Variants in CAMK1G observed in about 807,000 individuals in gnomAD.
CAMK1G encodes the protein calcium/calmodulin-dependent protein kinase type 1G.
CAMK1G carries 27 observed loss-of-function variants against 54.8 expected under a neutral mutation model. The ratio of observed to expected loss-of-function variants is 0.49; its 90% CI spans 0.36 to 0.68. The LOEUF (loss-of-function observed/expected upper bound fraction) is 0.68. CAMK1G is among the 30% of genes least tolerant of loss of function. CAMK1G has a pLI of 0.00. For missense variants in CAMK1G, 512 were observed against 591.0 expected, an observed-to-expected ratio of 0.87 and a Z score of 1.39; for synonymous variants, 238 against 224.9, an observed-to-expected ratio of 1.06 and a Z score of -0.52.
chr1:209,596,240 C>A (rs1436632773), intron 2 of CAMK1G, among the ~76,000 whole-genome samples: 1 of 152,318 alleles, frequency 6.6e-6, no homozygotes, highest in East Asian at 1.9e-4. Flanking sequence ...AGAGCATTGG[C>A]CTTCCATCAA....
At chr1:209,593,894 G>T (rs1174404254) in intron 1 of CAMK1G, among the ~76,000 whole-genome samples, 1 of 151,982 alleles carries the variant, frequency 6.6e-6, no homozygotes, top group East Asian at 1.9e-4. Context: ...AGTCTACAAA[G>T]CCCTTTATTG....
At chr1:209,590,606 G>A (rs1665221204) in intron 1 of CAMK1G, among the ~76,000 whole-genome samples, 1 of 152,200 alleles carries the variant, frequency 6.6e-6, no homozygotes. Flanking sequence ...TGGAGAACAG[G>A]CCGTCATTCC....
chr1:209,584,132 C>T (rs752270540), intron 1 of CAMK1G, among the ~76,000 whole-genome samples: 29 of 152,186 alleles, frequency 1.9e-4, no homozygotes, highest in Non-Finnish European at 3.7e-4. Flanking sequence ...CCCCGTCCAT[C>T]TGCTGGGGTG....
Position 209,609,899 on chromosome 1 carries a change from A to G in CAMK1G, c.797A>G (p.Tyr266Cys). The change falls in exon 9 of 13, where the codon TAC (tyrosine) becomes TGC (cysteine). Residue 266 changes from tyrosine (Y) to cysteine (C), a missense_variant. By Grantham distance (194) the Tyr-to-Cys change is radical (BLOSUM62 -2). Transcript: ENST00000361322. ...CTTGAGAAGGATCCGAACGAGCGGT[A>G]CACCTGTGAGAAGGCCTTGAGTCAT... ...HLLEKDPNER[Y>C]TCEKALSHPW... 2 of 1,614,152 alleles carry G rather than the reference A, an allele frequency of 1.2e-6. No homozygotes were observed. Among genetic ancestry groups the G allele is most frequent in the Non-Finnish European group, 1.7e-6 (2 of 1,180,000 alleles).
At chr1:209,589,641 G>A (rs370391980) in intron 1 of CAMK1G, among the ~76,000 whole-genome samples, 1 of 152,186 alleles carries the variant, frequency 6.6e-6, no homozygotes, top group East Asian at 1.9e-4. Context: ...GTGAGTGCCA[G>A]GAACAGTAGT....
At chr1:209,602,788 C>G (rs541734718) in intron 3 of CAMK1G, among the ~76,000 whole-genome samples, 35 of 152,298 alleles carry the variant, frequency 2.3e-4, no homozygotes, top group Middle Eastern at 3.4e-3. Flanking sequence ...AAAAACTCTT[C>G]TAGTCTCAAA....
In CAMK1G at chr1:209,583,762, C is replaced by A. The variant is rs1443022876; in HGVS notation, c.-40C>A. On this transcript the variant is annotated 5_prime_UTR_variant, in exon 1 of 13. Transcript: ENST00000361322. Reference sequence around the variant, plus strand: ...GTGGGAGCTCAAGCAGGATTCTTCCCGAGTCCCTGGGTAAGACAACCCTGC... The same window carrying A: ...GTGGGAGCTCAAGCAGGATTCTTCCAGAGTCCCTGGGTAAGACAACCCTGC... 6.6e-6 allele frequency: 1 copy of A among 152,186 alleles called. No individual in the cohort carries two copies. The highest frequency in any genetic ancestry group is 6.5e-5 in the Admixed American group (1 of 15,284). The allele number at this position is 152,186 out of a possible 1,614,324, so 9.4% of individuals were successfully genotyped here.
rs906731818 is a variant in CAMK1G, at chr1:209,606,564, A to G, written c.559+121A>G. On this transcript the variant is annotated intron_variant, in intron 6 of 12. Transcript: ENST00000361322. Reference sequence around the variant, plus strand: ...CAACTTCAGGGGCTATCCTGGTAGGACATCCACTTATAAAGTTTAGGGCCA... The same window carrying G: ...CAACTTCAGGGGCTATCCTGGTAGGGCATCCACTTATAAAGTTTAGGGCCA... 7 of 1,098,398 alleles carry G rather than the reference A, an allele frequency of 6.4e-6. No individual in the cohort carries two copies. The African/African-American group carries it at 9.4e-5, about 15-fold the overall frequency. The allele number at this position is 1,098,398 out of a possible 1,614,324, so 68.0% of individuals were successfully genotyped here. A position where few individuals can be genotyped will look rare whatever the true frequency, so the allele number is the denominator to read the frequency against.
At chr1:209,611,118 AC>A (rs1665769191) in intron 9 of CAMK1G, among the ~76,000 whole-genome samples, 1 of 152,100 alleles carries the variant, frequency 6.6e-6, no homozygotes, top group Non-Finnish European at 1.5e-5. Flanking sequence ...CAACTACTCA[AC>A]CCTGCTGTCA....
chr1:209,604,496 C>G (rs574938072), intron 4 of CAMK1G, among the ~76,000 whole-genome samples: 1 of 152,130 alleles, frequency 6.6e-6, no homozygotes, highest in Non-Finnish European at 1.5e-5. Context: ...ACTATAGGAG[C>G]GCCCAAAGCC....
intron 1 of CAMK1G, among the ~76,000 whole-genome samples, chr1:209,589,403 G>A (rs946110890): frequency 1.3e-5 from 2 of 152,188 alleles, no homozygotes; most frequent in African/African-American, 4.8e-5. Context: ...GCTGTGCCAT[G>A]GGCAGAGCCT....
intron 1 of CAMK1G, among the ~76,000 whole-genome samples, chr1:209,590,358 G>A (rs189773834): frequency 1.2e-3 from 185 of 152,330 alleles, no homozygotes; most frequent in East Asian, 2.9e-3. Flanking sequence ...TTACAGAGGG[G>A]TGGGAAGGGA....
At chr1:209,612,317 G>A in intron 11 of CAMK1G, 101 bp downstream of exon 11, 1 of 1,293,376 alleles carries the variant, frequency 7.7e-7, no homozygotes, top group Non-Finnish European at 1.1e-6. Context: ...CCACTCATAG[G>A]CAGCTATATA....
At chr1:209,592,364 A>AAAAAAAC (rs1553272847) in intron 1 of CAMK1G, among the ~76,000 whole-genome samples, 2 of 143,838 alleles carry the variant, frequency 1.4e-5, no homozygotes. Flanking sequence ...AAAAAAAAAA[A>AAAAAAAC]CTCCAGTACT....
chr1:209,608,073 AC>A, intron 7 of CAMK1G, 140 bp downstream of exon 7: 1 of 51,656 alleles, frequency 1.9e-5, no homozygotes. Flanking sequence ...GCACACGGGT[AC>A]ACACACACAC....
Position 209,609,050 on chromosome 1 carries a change from T to TTTA in CAMK1G, c.706_707insTTA (p.Tyr236delinsPheAsn). 6.2e-7 allele frequency: 1 copy of TTTA among 1,614,198 alleles called. No individual in the cohort carries two copies. The highest frequency in any genetic ancestry group is 1.1e-5 in the South Asian group (1 of 91,086). On this transcript the variant is annotated protein_altering_variant, in exon 8 of 13. Transcript: ENST00000361322. ...TTTCGAGAAGATCAAGGAGGGCTAC[T>TTTA]ATGAGTTTGAGTCTCCATTCTGGGA...
intron 12 of CAMK1G, 44 bp from the exon 13 acceptor site, chr1:209,612,996 G>A: frequency 1.4e-6 from 1 of 715,758 alleles, no homozygotes; most frequent in East Asian, 2.6e-5. Context: ...GATGGGGTCT[G>A]AGGTGGCAAC....
At chr1:209,588,232 C>G (rs1665151297) in intron 1 of CAMK1G, among the ~76,000 whole-genome samples, 1 of 152,236 alleles carries the variant, frequency 6.6e-6, no homozygotes, top group Admixed American at 6.5e-5. Context: ...CTCAAAGATG[C>G]TCTCCTTCCC....
chr1:209,590,563 G>A (rs547376032), intron 1 of CAMK1G, among the ~76,000 whole-genome samples: 3 of 152,334 alleles, frequency 2.0e-5, no homozygotes, highest in Non-Finnish European at 2.9e-5. Flanking sequence ...GGAACAGTGA[G>A]TACAGATCTG....
Sources: allele counts gnomAD v4.1 joint callset (sites outside exome capture counted in the v4.1 genomes callset), GRCh38; gene constraint gnomAD v4.1.1; transcripts MANE v1.5; gene names NCBI Gene and HGNC (gene_info 2026-07-23, HGNC 2026-07-21).